Variants in PPP2R2A observed in about 807,000 individuals in gnomAD.
PPP2R2A encodes the protein serine/threonine-protein phosphatase 2A 55 kDa regulatory subunit B alpha isoform.
Under a neutral mutation model 53.2 loss-of-function variants are expected in PPP2R2A, and 9 were observed. The observed-to-expected ratio is 0.17, with a 90% CI of 0.10 to 0.30. PPP2R2A has a LOEUF of 0.30. PPP2R2A is among the 10% of genes least tolerant of loss of function. PPP2R2A has a pLI of 1.00. For missense variants in PPP2R2A, 235 were observed against 534.6 expected, an observed-to-expected ratio of 0.44 and a Z score of 5.53; for synonymous variants, 169 against 174.2, an observed-to-expected ratio of 0.97 and a Z score of 0.23.
In PPP2R2A at chr8:26,354,486, A is replaced by G. The variant is rs753029318; in HGVS notation, c.199A>G (p.Ser67Gly). The G allele has an allele frequency of 6.4e-7, 1 of 1,570,078 alleles. No homozygotes were observed. Residue 67 changes from serine to glycine, a missense_variant, in exon 4 of 10, where the codon AGC (serine) becomes GGC (glycine). Physicochemically the swap from Ser to Gly is moderately conservative, Grantham distance 56 (BLOSUM62 0). Around this residue, in one of 3 missense-constraint regions of PPP2R2A, gnomAD observed 51 missense variants for 80.6 expected, o/e 0.63. Coordinates refer to ENST00000380737, the MANE Select transcript of PPP2R2A (RefSeq NM_002717.4). The surrounding 1 kb of genome is among the most constrained non-coding windows in gnomAD (Gnocchi z 4.6). ...ATTTTAGAACAAAATCCAGTCTCATAGCAGAGGAGAATATAATGTTTACAG... is the reference window on the plus strand; with the variant it reads ...ATTTTAGAACAAAATCCAGTCTCATGGCAGAGGAGAATATAATGTTTACAG... ...QEQENKIQSH[S>G]RGEYNVYSTF...
At chr8:26,311,525 C>G (rs1048846237) in intron 2 of PPP2R2A, among the ~76,000 whole-genome samples, 16 of 151,976 alleles carry the variant, frequency 1.1e-4, no homozygotes, top group African/African-American at 3.1e-4. Flanking sequence ...TGTGCTGAGC[C>G]GGGCACGGTG....
Position 26,363,842 on chromosome 8 carries a change from C to G in PPP2R2A, c.924C>G (p.Val308=), listed in dbSNP as rs141872115. 1.1e-5 allele frequency: 18 copies of G among 1,602,526 alleles called. No homozygotes were observed. Among genetic ancestry groups the G allele is most frequent in the Non-Finnish European group, 1.5e-5 (17 of 1,172,398 alleles). The change falls in exon 8 of 10, where the codon GTC becomes GTG. Residue 308 remains valine (V), a synonymous_variant. Transcript: ENST00000380737. The part of the protein sequence containing the change: ...RYMMTRDYLS[V]KIWDLNMENR... ...TGATGACTAGAGACTATTTGTCAGT[C>G]AAAATTTGGGACTTAAATATGGAAA...
rs774497792 is a variant in PPP2R2A at position 26,321,697 on chromosome 8, TCTC to T, written c.83-17185_83-17183del. ...CCAGGCGCACGAGCTTGGAAGTAGATCTCCTCCTCCAGTCAGGCTTTCGGATAC... is the reference window on the plus strand; with the variant it reads ...CCAGGCGCACGAGCTTGGAAGTAGATCTCCTCCAGTCAGGCTTTCGGATAC... On this transcript the variant is annotated intron_variant, in intron 2 of 9. Transcript: ENST00000380737. This position sits in a 1 kb window ranked among gnomAD's most constrained non-coding sequence, Gnocchi z 4.1. 5.9e-5 allele frequency among the ~76,000 whole-genome samples: 9 copies of T among 152,106 alleles called. No homozygotes were observed. Among genetic ancestry groups the T allele is most frequent in the South Asian group, 2.1e-4 (1 of 4,832 alleles).
chr8:26,302,956 G>A (rs1344867784), intron 2 of PPP2R2A, among the ~76,000 whole-genome samples: 1 of 152,212 alleles, frequency 6.6e-6, no homozygotes, highest in African/African-American at 2.4e-5. Context: ...AGGGGATCCT[G>A]TCATTCAGAA....
Position 26,354,838 on chromosome 8 carries a change from A to C in PPP2R2A, c.346+205A>C, listed in dbSNP as rs1368095180. ...CTCTGATAGCAATTTTTTGTTTACTACACCTCCAATTTGTAGTGAAAAGAA... is the reference window on the plus strand; with the variant it reads ...CTCTGATAGCAATTTTTTGTTTACTCCACCTCCAATTTGTAGTGAAAAGAA... On this transcript the variant is annotated intron_variant, in intron 4 of 9. Transcript: ENST00000380737. The surrounding 1 kb of genome is among the most constrained non-coding windows in gnomAD (Gnocchi z 4.6). Among the ~76,000 whole-genome samples the C allele has an allele frequency of 1.3e-5, 2 of 152,126 alleles. No individual in the cohort carries two copies. Among genetic ancestry groups the C allele is most frequent in the African/African-American group, 4.8e-5 (2 of 41,408 alleles).
Position 26,361,157 on chromosome 8 carries a change from C to A in PPP2R2A, c.637+6C>A. ...AATTACAGACAGGAGTTTTAGTATC[C>A]ATTTGGTTTTCTTTGGTGTTTGGTG... On this transcript the variant is annotated splice_donor_region_variant and intron_variant, in intron 6 of 9. Transcript: ENST00000380737. The A allele has an allele frequency of 6.3e-7, 1 of 1,576,684 alleles. No individual in the cohort carries two copies. The highest frequency in any genetic ancestry group is 8.6e-7 in the Non-Finnish European group (1 of 1,165,876).
At chr8:26,311,203 A>G (rs1563288840) in intron 2 of PPP2R2A, among the ~76,000 whole-genome samples, 1 of 152,220 alleles carries the variant, frequency 6.6e-6, no homozygotes, top group Non-Finnish European at 1.5e-5. Flanking sequence ...GTTTTGGCAC[A>G]TAGTAAGCCT....
intron 2 of PPP2R2A, among the ~76,000 whole-genome samples, chr8:26,316,455 A>G (rs1405771079): frequency 6.6e-6 from 1 of 152,264 alleles, no homozygotes; most frequent in Non-Finnish European, 1.5e-5. Context: ...GTGAGGTTTT[A>G]AAGAACTTAA....
Position 26,295,917 on chromosome 8 carries a change from C to T in PPP2R2A, c.82+2177C>T, listed in dbSNP as rs139439419. 6.0e-3 allele frequency among the ~76,000 whole-genome samples: 913 copies of T among 152,204 alleles called. 11 individuals are homozygous for T. Among genetic ancestry groups the T allele is most frequent in the African/African-American group, 0.021 (855 of 41,516 alleles). ...AGGTTATTAACACATTCCCCACCCC[C>T]CTACCTTTAGACTGATCTCTTCAAC... On this transcript the variant is annotated intron_variant, in intron 2 of 9. Coordinates refer to ENST00000380737, the MANE Select transcript of PPP2R2A (RefSeq NM_002717.4).
intron 9 of PPP2R2A, among the ~76,000 whole-genome samples, chr8:26,367,522 T>A (rs1805440879): frequency 1.3e-5 from 2 of 152,352 alleles, no homozygotes; most frequent in Non-Finnish European, 2.9e-5. Flanking sequence ...CACAAAGAAC[T>A]CTTGGCTGGC....
At chr8:26,323,179 G>GT (rs1262138381) in intron 2 of PPP2R2A, among the ~76,000 whole-genome samples, 4 of 152,176 alleles carry the variant, frequency 2.6e-5, no homozygotes, top group Non-Finnish European at 2.9e-5. Context: ...GACTTTAAAT[G>GT]TTTTCTCTGA....
chr8:26,354,896 A>AC lies in PPP2R2A; in HGVS notation c.346+263_346+264insC, dbSNP rs1744899623. Among the ~76,000 whole-genome samples, 1 of 152,202 alleles carries AC rather than the reference A, an allele frequency of 6.6e-6. No homozygotes were observed. Among genetic ancestry groups the AC allele is most frequent in the Non-Finnish European group, 1.5e-5 (1 of 68,030 alleles). ...CTATACCATTGGATTTAGGTCAGGT[A>AC]ATATTTCTGTCATTTCTCAGTCTCG... On this transcript the variant is annotated intron_variant, in intron 4 of 9. Transcript: ENST00000380737. The surrounding 1 kb of genome is among the most constrained non-coding windows in gnomAD (Gnocchi z 4.6).
chr8:26,302,863 T>C (rs1164263175), intron 2 of PPP2R2A, among the ~76,000 whole-genome samples: 2 of 152,218 alleles, frequency 1.3e-5, no homozygotes, highest in Non-Finnish European at 2.9e-5. Context: ...TTTTTGTTAA[T>C]GTGTGAGGTT....
chr8:26,341,649 G>T (rs1803948327), intron 3 of PPP2R2A, among the ~76,000 whole-genome samples: 1 of 152,138 alleles, frequency 6.6e-6, no homozygotes, highest in Non-Finnish European at 1.5e-5. Context: ...GAGTACACTG[G>T]TGCCTAATGT....
chr8:26,292,719 G>A (rs1487182603), intron 1 of PPP2R2A, among the ~76,000 whole-genome samples: 1 of 152,182 alleles, frequency 6.6e-6, no homozygotes, highest in African/African-American at 2.4e-5. Flanking sequence ...TTTTGTACAT[G>A]TTGGTATTGC....
intron 2 of PPP2R2A, among the ~76,000 whole-genome samples, chr8:26,332,253 A>C (rs1020646552): frequency 6.6e-6 from 1 of 151,936 alleles, no homozygotes; most frequent in Admixed American, 6.6e-5. Flanking sequence ...CCAACTGCTC[A>C]AGAGGCTGAG....
rs1048978356 is a variant in PPP2R2A at position 26,299,784 on chromosome 8, G to C, written c.82+6044G>C. ...CCCAGGCCGTCTTCTGTGTTTCTTAGAGTAGTATGCATGTTAGATTTAGGC... is the reference window on the plus strand; with the variant it reads ...CCCAGGCCGTCTTCTGTGTTTCTTACAGTAGTATGCATGTTAGATTTAGGC... On this transcript the variant is annotated intron_variant, in intron 2 of 9. Coordinates refer to ENST00000380737, the MANE Select transcript of PPP2R2A (RefSeq NM_002717.4). Among the ~76,000 whole-genome samples the C allele has an allele frequency of 4.6e-5, 7 of 150,940 alleles. No individual in the cohort carries two copies. In the South Asian group the frequency reaches 1.3e-3, roughly 27 times the overall value.
intron 4 of PPP2R2A, among the ~76,000 whole-genome samples, chr8:26,359,858 G>A (rs747302851): frequency 1.7e-4 from 26 of 152,072 alleles, no homozygotes; most frequent in Admixed American, 4.6e-4. Context: ...ATATGTGTTT[G>A]CATACACCAC....
intron 2 of PPP2R2A, among the ~76,000 whole-genome samples, chr8:26,311,426 A>T (rs951795713): frequency 6.6e-6 from 1 of 152,228 alleles, no homozygotes; most frequent in African/African-American, 2.4e-5. Context: ...TGGTAAAACT[A>T]GGGAGAGATT....
Sources: gnomAD v4.1 joint callset for allele counts (sites outside exome capture counted in the v4.1 genomes callset) on GRCh38, gnomAD v4.1.1 for gene constraint, gnomAD v4.1.1 regional missense constraint, Gnocchi (gnomAD v3.1) non-coding constraint, MANE v1.5 for transcripts, NCBI Gene and HGNC (gene_info 2026-07-23, HGNC 2026-07-21) for gene names.